The following RGL1 variants were observed in gnomAD, a reference collection of about 807,000 sequenced individuals.
The protein encoded by RGL1 is ral guanine nucleotide dissociation stimulator like 1.
A neutral mutation model predicts 95.2 loss-of-function variants in RGL1; 24 were observed. The ratio of observed to expected loss-of-function variants is 0.25; its 90% CI spans 0.18 to 0.35. The LOEUF (loss-of-function observed/expected upper bound fraction) is 0.35, where lower values mean the gene tolerates loss of function less well. Among genes scored for constraint, RGL1 ranks in the 10% least tolerant of loss-of-function variants. RGL1 has a pLI of 1.00. For synonymous variants in RGL1, 329 were observed against 344.9 expected (o/e 0.95, Z 0.51); for missense variants, 715 against 936.3 (o/e 0.76, Z 3.08).
chr1:183,748,086 C>T (rs1657757275), intron 2 of RGL1, among the ~76,000 whole-genome samples: 1 of 151,920 alleles, frequency 6.6e-6, no homozygotes, highest in Admixed American at 6.6e-5. Context: ...CCAGGAATTT[C>T]TTCTAGATTT....
chr1:183,643,867 C>A (rs769126396), intron 1 of RGL1, among the ~76,000 whole-genome samples: 6 of 152,154 alleles, frequency 3.9e-5, no homozygotes, highest in Non-Finnish European at 8.8e-5. Flanking sequence ...AAACAATGTT[C>A]TATTGCCTTG....
intron 1 of RGL1, among the ~76,000 whole-genome samples, chr1:183,696,794 C>G (rs1178662333): frequency 3.3e-5 from 5 of 152,316 alleles, no homozygotes; most frequent in African/African-American, 4.8e-5. Context: ...GTCTTTCTCT[C>G]ACATCTTTCA....
At chr1:183,705,268 G>A (rs907851666) in intron 1 of RGL1, among the ~76,000 whole-genome samples, 2 of 152,062 alleles carry the variant, frequency 1.3e-5, no homozygotes, top group Non-Finnish European at 1.5e-5. Flanking sequence ...ATATGCCATC[G>A]GTTGTGAGCC....
intron 1 of RGL1, among the ~76,000 whole-genome samples, chr1:183,637,269 T>C (rs1649608793): frequency 6.6e-6 from 1 of 152,254 alleles, no homozygotes; most frequent in Non-Finnish European, 1.5e-5. Flanking sequence ...TTCTTAATGA[T>C]ATATGGTGTT....
chr1:183,713,598 A>G (rs1190774356), intron 1 of RGL1, among the ~76,000 whole-genome samples: 1 of 152,104 alleles, frequency 6.6e-6, no homozygotes, highest in African/African-American at 2.4e-5. Context: ...TAAAGGCCTT[A>G]TAAAAGAGGT....
intron 1 of RGL1, among the ~76,000 whole-genome samples, chr1:183,712,446 T>C (rs1243617599): frequency 6.6e-6 from 1 of 152,204 alleles, no homozygotes; most frequent in Non-Finnish European, 1.5e-5. Flanking sequence ...GAACTCTTCG[T>C]GTGTGCTTGA....
intron 1 of RGL1, among the ~76,000 whole-genome samples, chr1:183,722,670 G>A (rs562894449): frequency 6.6e-6 from 1 of 152,306 alleles, no homozygotes; most frequent in African/African-American, 2.4e-5. Flanking sequence ...AGACAATGGA[G>A]TAACATCTTT....
chr1:183,885,437 C>T lies in RGL1; in HGVS notation c.951+499C>T, dbSNP rs149642560. Among the ~76,000 whole-genome samples, 4 of 152,310 alleles carry T rather than the reference C, an allele frequency of 2.6e-5. No individual in the cohort carries two copies. In the East Asian group the frequency reaches 7.7e-4, roughly 29 times the overall value. On this transcript the variant is annotated intron_variant, in intron 7 of 17. Coordinates refer to ENST00000360851, the MANE Select transcript of RGL1 (RefSeq NM_001297671.3). ...ATCTCTTTTCTAAAGGACTGAGACA[C>T]TTACAGAGATCTCATATTAATCTGA... is the stretch of plus-strand genomic sequence containing the variant.
chr1:183,675,337 CT>C (rs1420226405), intron 1 of RGL1, among the ~76,000 whole-genome samples: 1 of 148,718 alleles, frequency 6.7e-6, no homozygotes, highest in Non-Finnish European at 1.5e-5. Context: ...TCCCTCTATC[CT>C]TCCTTCCTTC....
intron 1 of RGL1, among the ~76,000 whole-genome samples, chr1:183,644,322 A>G (rs1650141413): frequency 6.6e-6 from 1 of 152,206 alleles, no homozygotes; most frequent in African/African-American, 2.4e-5. Flanking sequence ...AGTTATTATA[A>G]TAATATCTAC....
chr1:183,684,866 C>T (rs1653470157), intron 1 of RGL1, among the ~76,000 whole-genome samples: 1 of 152,192 alleles, frequency 6.6e-6, no homozygotes, highest in African/African-American at 2.4e-5. Flanking sequence ...CTTGTGCTTC[C>T]TGGTTGAGAG....
At chr1:183,792,376 GCTAAC>G (rs1183752443) in intron 2 of RGL1, among the ~76,000 whole-genome samples, 2 of 151,926 alleles carry the variant, frequency 1.3e-5, no homozygotes, top group Non-Finnish European at 2.9e-5. Context: ...TCTACTCTAA[GCTAAC>G]CTATGGATAA....
At chr1:183,872,336 T>C (rs1485508227) in intron 4 of RGL1, among the ~76,000 whole-genome samples, 2 of 152,318 alleles carry the variant, frequency 1.3e-5, no homozygotes, top group African/African-American at 4.8e-5. Flanking sequence ...TATAACTTTA[T>C]TTAAAGAGAT....
chr1:183,690,666 TA>T (rs1653888211), intron 1 of RGL1, among the ~76,000 whole-genome samples: 1 of 151,842 alleles, frequency 6.6e-6, no homozygotes, highest in South Asian at 2.1e-4. Context: ...CAAATGAAAA[TA>T]TACTTAATTC....
At chr1:183,878,162 A>G (rs949150413) in intron 4 of RGL1, among the ~76,000 whole-genome samples, 1 of 151,334 alleles carries the variant, frequency 6.6e-6, no homozygotes, top group African/African-American at 2.4e-5. Flanking sequence ...CTATCTATCT[A>G]TCTATCTATC....
intron 2 of RGL1, among the ~76,000 whole-genome samples, chr1:183,756,988 C>T (rs909436508): frequency 1.3e-5 from 2 of 150,468 alleles, no homozygotes; most frequent in Admixed American, 6.6e-5. Context: ...ATTTGACTCA[C>T]CATTGGATAA....
rs191475790 is a variant in RGL1 at position 183,682,394 on chromosome 1, A to G, written c.-33+45893A>G. 2.3e-3 allele frequency among the ~76,000 whole-genome samples: 355 copies of G among 152,314 alleles called. 1 individual carries two copies. Among genetic ancestry groups the G allele is most frequent in the East Asian group, 2.3e-3 (12 of 5,194 alleles). On this transcript the variant is annotated intron_variant, in intron 1 of 18. Transcript: ENST00000304685. ...TTGGTTCTCATTGATTTCAAAGAACATCTTTATTTCTGCCTTCATTTTGTT... is the reference window on the plus strand; with the variant it reads ...TTGGTTCTCATTGATTTCAAAGAACGTCTTTATTTCTGCCTTCATTTTGTT...
intron 1 of RGL1, chr1:183,653,060 A>C (rs1162091706): frequency 6.6e-6 from 1 of 152,244 alleles, no homozygotes; most frequent in Non-Finnish European, 1.5e-5. Flanking sequence ...AAATGTTAGC[A>C]GTTATAATTA....
intron 3 of RGL1, among the ~76,000 whole-genome samples, chr1:183,860,939 A>G (rs1173390482): frequency 6.6e-6 from 1 of 152,122 alleles, no homozygotes; most frequent in Non-Finnish European, 1.5e-5. Context: ...GGCTCACCAT[A>G]GCTTGTATGG....
Sources: allele counts gnomAD v4.1 joint callset (sites outside exome capture counted in the v4.1 genomes callset), GRCh38; gene constraint gnomAD v4.1.1; transcripts MANE v1.5; gene names NCBI Gene and HGNC (gene_info 2026-07-23, HGNC 2026-07-21).